The following TOX variants were observed in gnomAD, a reference collection of about 807,000 sequenced individuals.
TOX encodes thymocyte selection associated high mobility group box.
A neutral mutation model predicts 53.7 loss-of-function variants in TOX; 11 were observed. The ratio of observed to expected loss-of-function variants is 0.20; its 90% CI spans 0.13 to 0.34. TOX has a LOEUF of 0.34. TOX is among the 10% of genes least tolerant of loss of function. The pLI, the probability that TOX is intolerant of heterozygous loss-of-function variation, is 1.00. For synonymous variants in TOX, 225 were observed against 245.3 expected, an observed-to-expected ratio of 0.92 and a Z score of 0.77; for missense variants, 570 against 664.6, an observed-to-expected ratio of 0.86 and a Z score of 1.56.
intron 1 of TOX, among the ~76,000 whole-genome samples, chr8:59,031,283 C>T (rs941664985): frequency 3.3e-5 from 5 of 152,194 alleles, no homozygotes; most frequent in Non-Finnish European, 5.9e-5. Context: ...TTGGTTACTT[C>T]ATTGAGCTTG....
At chr8:58,857,329 T>C (rs936674114) in intron 3 of TOX, among the ~76,000 whole-genome samples, 1 of 152,218 alleles carries the variant, frequency 6.6e-6, no homozygotes, top group Non-Finnish European at 1.5e-5. Flanking sequence ...TGGCAAAATG[T>C]CCTGCATGTC....
intron 3 of TOX, among the ~76,000 whole-genome samples, chr8:58,921,392 T>C (rs1043926712): frequency 6.6e-5 from 10 of 152,160 alleles, no homozygotes; most frequent in African/African-American, 1.7e-4. Context: ...TCAAAAACAG[T>C]TCTTTAAGAC....
intron 1 of TOX, among the ~76,000 whole-genome samples, chr8:59,090,825 A>G (rs1262204515): frequency 6.6e-6 from 1 of 152,112 alleles, no homozygotes; most frequent in East Asian, 1.9e-4. Context: ...CATGGACTTG[A>G]GGAGCTTCCT....
rs1050179598 is a variant in TOX at position 58,807,110 on chromosome 8, A to G, written c.*637T>C. ...TTGTCTGATCAATGAGACAAAGCCA[A>G]TTTGTTTTTAAATTAAAATCACTTG... On this transcript the variant is annotated 3_prime_UTR_variant, in exon 9 of 9. Coordinates refer to ENST00000361421, the MANE Select transcript of TOX (RefSeq NM_014729.3). 1 of 152,648 alleles carries G rather than the reference A, an allele frequency of 6.6e-6. No homozygotes were observed. The highest frequency in any genetic ancestry group is 1.5e-5 in the Non-Finnish European group (1 of 68,036). The allele number at this position is 152,648 out of a possible 1,614,324, so 9.5% of individuals were successfully genotyped here.
In TOX at chr8:58,939,385, G is replaced by C; in HGVS notation, c.328C>G (p.Pro110Ala). Residue 110 changes from proline to alanine, a missense_variant, in exon 3 of 9, where the codon CCA (proline) becomes GCA (alanine). Around this residue, in one of 3 missense-constraint regions of TOX, gnomAD observed 282 missense variants for 315.0 expected, o/e 0.90. Coordinates refer to ENST00000361421, the MANE Select transcript of TOX (RefSeq NM_014729.3). Reference sequence around the variant, plus strand: ...ATTTCAGGGAGGTCCATGTTTTGTGGATGAAATGGTAGCAGGCCATTATGG... The same window carrying C: ...ATTTCAGGGAGGTCCATGTTTTGTGCATGAAATGGTAGCAGGCCATTATGG... ...MNHNGLLPFH[P>A]QNMDLPEITV... 6.2e-7 allele frequency: 1 copy of C among 1,614,102 alleles called. No individual in the cohort carries two copies. Among genetic ancestry groups the C allele is most frequent in the Non-Finnish European group, 8.5e-7 (1 of 1,180,016 alleles).
At chr8:58,915,432 G>A (rs1377503846) in intron 3 of TOX, among the ~76,000 whole-genome samples, 8 of 101,330 alleles carry the variant, frequency 7.9e-5, no homozygotes, top group Non-Finnish European at 1.4e-4. Context: ...GCACCCCCCA[G>A]CAGGGGCACA....
intron 1 of TOX, among the ~76,000 whole-genome samples, chr8:59,041,995 C>A (rs1038387678): frequency 8.5e-5 from 13 of 152,302 alleles, no homozygotes; most frequent in South Asian, 4.1e-4. Context: ...ATTGCCAGAT[C>A]AAATGCAACT....
At chr8:59,073,270 C>T (rs2129422726) in intron 1 of TOX, among the ~76,000 whole-genome samples, 1 of 152,316 alleles carries the variant, frequency 6.6e-6, no homozygotes, top group Non-Finnish European at 1.5e-5. Flanking sequence ...TTAGAAACAT[C>T]TCAGGGACCA....
At chr8:58,845,680 A>G (rs1810708611) in intron 4 of TOX, among the ~76,000 whole-genome samples, 1 of 152,106 alleles carries the variant, frequency 6.6e-6, no homozygotes. Flanking sequence ...TTGTAAAGCA[A>G]TTTCATTTTT....
chr8:59,009,861 C>T lies in TOX; in HGVS notation c.103-49853G>A, dbSNP rs947755681. 2.0e-5 allele frequency among the ~76,000 whole-genome samples: 3 copies of T among 152,166 alleles called. 1 individual carries two copies. Among genetic ancestry groups the T allele is most frequent in the South Asian group, 4.1e-4 (2 of 4,826 alleles). ...CCATTTAATCTCATTTGCAGCATTG[C>T]ACCAGCAAAGGGAGATGTGAAACTA... On this transcript the variant is annotated intron_variant, in intron 1 of 8. Coordinates refer to ENST00000361421, the MANE Select transcript of TOX (RefSeq NM_014729.3).
intron 1 of TOX, among the ~76,000 whole-genome samples, chr8:59,023,000 A>C (rs1814163859): frequency 6.6e-6 from 1 of 152,230 alleles, no homozygotes; most frequent in Non-Finnish European, 1.5e-5. Flanking sequence ...ACCAGTTACT[A>C]TTATGAGCTC....
At chr8:58,896,641 C>T (rs1049297465) in intron 3 of TOX, among the ~76,000 whole-genome samples, 4 of 152,028 alleles carry the variant, frequency 2.6e-5, no homozygotes, top group Non-Finnish European at 4.4e-5. Context: ...TGCTACTGCA[C>T]TCCAGTCTGG....
At chr8:58,894,351 A>G (rs1255606537) in intron 3 of TOX, among the ~76,000 whole-genome samples, 1 of 152,226 alleles carries the variant, frequency 6.6e-6, no homozygotes, top group Non-Finnish European at 1.5e-5. Flanking sequence ...GAATTAATAA[A>G]AGATCTTTGA....
intron 1 of TOX, among the ~76,000 whole-genome samples, chr8:58,988,222 A>C (rs1305892485): frequency 6.6e-6 from 1 of 152,206 alleles, no homozygotes; most frequent in Non-Finnish European, 1.5e-5. Flanking sequence ...GCTGCCAAAA[A>C]AGCACAGATT....
intron 1 of TOX, among the ~76,000 whole-genome samples, chr8:59,100,676 G>GT (rs1461855376): frequency 1.3e-5 from 2 of 152,094 alleles, no homozygotes; most frequent in Non-Finnish European, 2.9e-5. Context: ...GCACAACGAT[G>GT]TTTACCTTTT....
intron 1 of TOX, among the ~76,000 whole-genome samples, chr8:58,965,585 A>G (rs576192250): frequency 6.6e-6 from 1 of 152,302 alleles, no homozygotes; most frequent in South Asian, 2.1e-4. Context: ...CATTTTAGGG[A>G]AACCATTAAA....
Position 58,807,803 on chromosome 8 carries a change from A to G in TOX, c.1545-20T>C. The G allele has an allele frequency of 1.9e-6, 3 of 1,614,030 alleles. No individual in the cohort carries two copies. The highest frequency in any genetic ancestry group is 1.7e-6 in the Non-Finnish European group (2 of 1,179,922). ...ATGCCCCTGTAGGAAGAGAAAAAAG[A>G]CAGTTCCTTGTTACAGGACAACCTG... On this transcript the variant is annotated intron_variant, in intron 8 of 8. Transcript: ENST00000361421.
chr8:58,942,997 C>T (rs1812466890), intron 2 of TOX, among the ~76,000 whole-genome samples: 1 of 152,216 alleles, frequency 6.6e-6, no homozygotes, highest in African/African-American at 2.4e-5. Context: ...CTTGTAACAG[C>T]CTGCAGAACT....
intron 1 of TOX, among the ~76,000 whole-genome samples, chr8:59,012,357 G>A (rs753598039): frequency 1.3e-5 from 2 of 151,842 alleles, no homozygotes; most frequent in Non-Finnish European, 2.9e-5. Context: ...CCACGAGGGG[G>A]TGTTGGGGAG....
Sources: allele counts gnomAD v4.1 joint callset (sites outside exome capture counted in the v4.1 genomes callset), GRCh38; gene constraint gnomAD v4.1.1; regional missense constraint gnomAD v4.1.1; transcripts MANE v1.5; gene names NCBI Gene and HGNC (gene_info 2026-07-23, HGNC 2026-07-21).